The following DERPC variants were observed in gnomAD, a reference collection of about 807,000 sequenced individuals.
The protein encoded by DERPC is DERPC proline and glycine rich nuclear protein, also known as decreased expression in renal and prostate cancer protein.
In DERPC, 1 loss-of-function variant was observed where a neutral mutation model predicts 7.2. The ratio of observed to expected loss-of-function variants is 0.14; its 90% CI spans 0.05 to 0.66. The LOEUF is 0.66. Among genes scored for constraint, DERPC ranks in the 30% least tolerant of loss-of-function variants. The pLI is 0.84. For missense variants in DERPC, 502 were observed against 299.4 expected, an observed-to-expected ratio of 1.68 and a Z score of -4.99; for synonymous variants, 185 against 117.6, an observed-to-expected ratio of 1.57 and a Z score of -3.71.
rs760160683 is a variant in DERPC, at chr16:69,118,480, G to T, written c.*374C>A. 34 of 1,452,090 alleles carry T rather than the reference G, an allele frequency of 2.3e-5. No individual in the cohort carries two copies. The highest frequency in any genetic ancestry group is 5.6e-5 in the African/African-American group (4 of 71,854). The allele number at this position is 1,452,090 out of a possible 1,614,324, so 90.0% of individuals were successfully genotyped here. ...AGCAGTGAGCTGATTCTCCAATGGT[G>T]AGCAGGGGACTACATGTGAACTGGG... On this transcript the variant is annotated 3_prime_UTR_variant, in exon 3 of 3. Coordinates refer to ENST00000519520, the MANE Select transcript of DERPC (RefSeq NM_001002847.4).
intron 1 of DERPC, among the ~76,000 whole-genome samples, chr16:69,128,583 C>A (rs1035383570): frequency 6.6e-6 from 1 of 152,112 alleles, no homozygotes; most frequent in Non-Finnish European, 1.5e-5. Context: ...GTTAGTCAAA[C>A]GACTTTATCT....
At chr16:69,127,601 C>CTTTTT (rs71383961) in intron 1 of DERPC, among the ~76,000 whole-genome samples, 110 of 104,396 alleles carry the variant, frequency 1.1e-3, no homozygotes, top group African/African-American at 1.3e-3. Context: ...CTCCCGGCAA[C>CTTTTT]TTTTTTTTTT....
rs767374898 is a variant in DERPC, at chr16:69,118,047, A to AGAT, written c.*804_*806dup. On this transcript the variant is annotated 3_prime_UTR_variant, in exon 3 of 3. Coordinates refer to ENST00000519520, the MANE Select transcript of DERPC (RefSeq NM_001002847.4). ...CATTTATTAAAGAAACAGTAAGAAA[A>AGAT]GATACAATGCAGGAAAACCACCAAC... is the stretch of plus-strand genomic sequence containing the variant. 6 of 424,724 alleles carry AGAT rather than the reference A, an allele frequency of 1.4e-5. No homozygotes were observed. The highest frequency in any genetic ancestry group is 6.0e-5 in the South Asian group (2 of 33,218). The allele number at this position is 424,724 out of a possible 1,614,324, so 26.3% of individuals were successfully genotyped here.
chr16:69,126,629 G>C (rs549559309), intron 1 of DERPC, among the ~76,000 whole-genome samples: 3 of 152,190 alleles, frequency 2.0e-5, no homozygotes, highest in Non-Finnish European at 2.9e-5. Context: ...AATGAAGTTC[G>C]AGCCCAGCTT....
chr16:69,122,460 C>T (rs1349745190), intron 1 of DERPC, among the ~76,000 whole-genome samples: 1 of 151,592 alleles, frequency 6.6e-6, no homozygotes, highest in Non-Finnish European at 1.5e-5. Context: ...GCAACCTCTG[C>T]TTCCCGGGTT....
chr16:69,121,481 A>C lies in DERPC; in HGVS notation c.-267T>G, dbSNP rs758579769. The C allele has an allele frequency of 1.3e-6, 2 of 1,594,514 alleles. No individual in the cohort carries two copies. Among genetic ancestry groups the C allele is most frequent in the African/African-American group, 1.4e-5 (1 of 73,744 alleles). ...CATGAGCTTTCTGTCTTTAAAAAGC[A>C]AGTGAAAACAAGCTGTAGAGAGAAA... On this transcript the variant is annotated 5_prime_UTR_variant, in exon 2 of 3. Coordinates refer to ENST00000519520, the MANE Select transcript of DERPC (RefSeq NM_001002847.4).
At chr16:69,129,202 G>A (rs968743766) in intron 1 of DERPC, among the ~76,000 whole-genome samples, 3 of 151,946 alleles carry the variant, frequency 2.0e-5, no homozygotes, top group Admixed American at 1.3e-4. Context: ...AGGCCGAGGC[G>A]GGCAGATCAC....
intron 1 of DERPC, among the ~76,000 whole-genome samples, chr16:69,125,653 G>A (rs943370573): frequency 6.6e-6 from 1 of 152,176 alleles, no homozygotes; most frequent in African/African-American, 2.4e-5. Flanking sequence ...TGGAAAAGGG[G>A]TAATACCCAA....
At position 69,119,151 on chromosome 16, in the gene DERPC, G is replaced by A. The variant is rs1166093275; in HGVS notation, c.1278C>T (p.Thr426=). Reference sequence around the variant, plus strand: ...CTAATGGGCCAGTAGACCTTGGGAAGGTAGTTGGACTTGGACCCTGCAGGC... The same window carrying A: ...CTAATGGGCCAGTAGACCTTGGGAAAGTAGTTGGACTTGGACCCTGCAGGC... ...ATGLQGPSPT[T]FPRSTGPLGP... The change falls in exon 3 of 3, where the codon ACC becomes ACT. Residue 426 remains threonine, a synonymous_variant. Coordinates refer to ENST00000519520, the MANE Select transcript of DERPC (RefSeq NM_001002847.4). 4 of 702,922 alleles carry A rather than the reference G, an allele frequency of 5.7e-6. No homozygotes were observed. The highest frequency in any genetic ancestry group is 1.0e-5 in the Non-Finnish European group (4 of 385,030). The allele number at this position is 702,922 out of a possible 1,614,324, so 43.5% of individuals were successfully genotyped here. A position where few individuals can be genotyped will look rare whatever the true frequency, so the allele number is the denominator to read the frequency against.
chr16:69,118,273 C>T lies in DERPC; in HGVS notation c.*581G>A, dbSNP rs1246865159. The stretch of plus-strand genomic sequence containing the variant: ...TCTAAGTCCCAGGAGAAGGGAGCTG[C>T]AGGCCCAGTCAGTCAAGCAGAAACT... On this transcript the variant is annotated 3_prime_UTR_variant, in exon 3 of 3. Coordinates refer to ENST00000519520, the MANE Select transcript of DERPC (RefSeq NM_001002847.4). 4.6e-6 allele frequency: 4 copies of T among 870,796 alleles called. No homozygotes were observed. Among genetic ancestry groups the T allele is most frequent in the Middle Eastern group, 5.9e-4 (2 of 3,386 alleles). 53.9% of individuals were successfully genotyped at this position (870,796 alleles called of 1,614,324 possible). A position where few individuals can be genotyped will look rare whatever the true frequency, so the allele number is the denominator to read the frequency against.
At chr16:69,126,073 G>A (rs552170480) in intron 1 of DERPC, among the ~76,000 whole-genome samples, 1 of 152,296 alleles carries the variant, frequency 6.6e-6, no homozygotes, top group Non-Finnish European at 1.5e-5. Context: ...CAGAGAAGGG[G>A]CTCTTGCAAA....
At chr16:69,124,659 G>C (rs1961929747) in intron 1 of DERPC, among the ~76,000 whole-genome samples, 1 of 151,982 alleles carries the variant, frequency 6.6e-6, no homozygotes, top group Admixed American at 6.6e-5. Context: ...ACAGGAGTGA[G>C]CCACCACCCC....
At chr16:69,121,219 G>A (rs1301883194) in intron 2 of DERPC, 1 of 1,535,016 alleles carries the variant, frequency 6.5e-7, no homozygotes, top group Admixed American at 1.7e-5. Context: ...GGTGAAGGAT[G>A]AATAGTGTCC....
At chr16:69,127,710 A>C (rs982407458) in intron 1 of DERPC, among the ~76,000 whole-genome samples, 67 of 147,892 alleles carry the variant, frequency 4.5e-4, no homozygotes, top group Non-Finnish European at 8.6e-4. Flanking sequence ...CCCAGGTTCA[A>C]GTGATTCTCC....
chr16:69,121,552 A>G (rs1480599999), intron 1 of DERPC, 59 bp from the exon 2 acceptor site: 1 of 1,041,574 alleles, frequency 9.6e-7, no homozygotes, highest in Non-Finnish European at 1.4e-6. Flanking sequence ...AATGACACCT[A>G]ATGCAACCTC....
intron 1 of DERPC, among the ~76,000 whole-genome samples, chr16:69,127,713 G>GA (rs1453313018): frequency 6.7e-6 from 1 of 149,076 alleles, no homozygotes; most frequent in Non-Finnish European, 1.5e-5. Flanking sequence ...AGGTTCAAGT[G>GA]ATTCTCCTGC....
chr16:69,124,452 C>G (rs577514154), intron 1 of DERPC, among the ~76,000 whole-genome samples: 25 of 152,180 alleles, frequency 1.6e-4, no homozygotes, highest in Non-Finnish European at 1.5e-5. Context: ...GAGATGGACT[C>G]TCACTCTGTT....
chr16:69,119,750 C>T lies in DERPC; in HGVS notation c.679G>A (p.Gly227Ser), dbSNP rs546492067. ...FLGTNPAPRS[G>S]VFPGPGLGPN... ...CCAAGGCCTGGGCCTGGAAACACAC[C>T]TGACCTGGGGGCAGGGTTTGTCCCT... Residue 227 changes from glycine to serine, a missense_variant, in exon 3 of 3, where the codon GGT becomes AGT. By Grantham distance (56) the Gly-to-Ser change is moderately conservative (BLOSUM62 0). Transcript: ENST00000519520. The T allele has an allele frequency of 4.3e-5, 30 of 695,254 alleles. No homozygotes were observed. In the East Asian group the frequency reaches 5.9e-4, roughly 14 times the overall value. 43.1% of individuals were successfully genotyped at this position (695,254 alleles called of 1,614,324 possible).
chr16:69,131,745 A>G (rs964670811), intron 1 of DERPC, among the ~76,000 whole-genome samples: 7 of 150,430 alleles, frequency 4.7e-5, no homozygotes, highest in African/African-American at 1.7e-4. Context: ...CCCAAAGATT[A>G]CTCTTTAAAC....
Sources: gnomAD v4.1 joint callset for allele counts (sites outside exome capture counted in the v4.1 genomes callset) on GRCh38, gnomAD v4.1.1 for gene constraint, MANE v1.5 for transcripts, NCBI Gene and HGNC (gene_info 2026-07-23, HGNC 2026-07-21) for gene names.